SHB: variants seen among roughly 807,000 people sequenced by gnomAD.
SHB encodes the protein SH2 domain-containing adapter protein B.
In SHB, 20 loss-of-function variants were observed where a neutral mutation model predicts 52.3. That is an observed-to-expected ratio of 0.38 (90% CI 0.27 to 0.56). The LOEUF (loss-of-function observed/expected upper bound fraction) is 0.56, where lower values mean the gene tolerates loss of function less well. SHB is among the 20% of genes least tolerant of loss of function. The probability of loss-of-function intolerance (pLI) is 0.71; values close to 1 mark genes in which losing one functional copy is unlikely to be tolerated. For missense variants in SHB, 825 were observed against 723.3 expected, an observed-to-expected ratio of 1.14 and a Z score of -1.61; for synonymous variants, 397 against 316.5, an observed-to-expected ratio of 1.25 and a Z score of -2.70.
chr9:37,969,266 C>G (rs955003357), intron 3 of SHB, among the ~76,000 whole-genome samples: 1 of 152,128 alleles, frequency 6.6e-6, no homozygotes, highest in African/African-American at 2.4e-5. Context: ...GGAGTTGGAG[C>G]TGACAGGTTC....
At chr9:38,066,959 C>T (rs984174941) in intron 1 of SHB, among the ~76,000 whole-genome samples, 2 of 152,092 alleles carry the variant, frequency 1.3e-5, no homozygotes, top group Non-Finnish European at 2.9e-5. Context: ...GCTCTCCCAC[C>T]GGGCCTCAGA....
At chr9:37,960,916 C>A (rs936429535) in intron 3 of SHB, among the ~76,000 whole-genome samples, 4 of 152,236 alleles carry the variant, frequency 2.6e-5, no homozygotes, top group Non-Finnish European at 5.9e-5. Context: ...TGCAGGCCTG[C>A]AAGGTCAGGC....
chr9:37,961,639 AG>A (rs1039460133), intron 3 of SHB, among the ~76,000 whole-genome samples: 2 of 152,184 alleles, frequency 1.3e-5, no homozygotes, highest in African/African-American at 4.8e-5. Context: ...TTTTGTCTTT[AG>A]GGCTTTGTTT....
At chr9:37,962,149 A>G (rs1269435076) in intron 3 of SHB, among the ~76,000 whole-genome samples, 1 of 152,234 alleles carries the variant, frequency 6.6e-6, no homozygotes, top group Non-Finnish European at 1.5e-5. Flanking sequence ...AAGGTAACAG[A>G]TGATGTACCA....
intron 1 of SHB, among the ~76,000 whole-genome samples, chr9:38,055,409 C>G (rs1011036438): frequency 1.3e-5 from 2 of 152,128 alleles, no homozygotes; most frequent in African/African-American, 2.4e-5. Context: ...ATTGAAGACA[C>G]GGGACACCTG....
rs1186151673 is a variant in SHB, at chr9:38,050,439, A to T, written c.717+17490T>A. Among the ~76,000 whole-genome samples the T allele has an allele frequency of 3.3e-5, 5 of 152,354 alleles. No homozygotes were observed. The East Asian group carries it at 9.6e-4, about 29-fold the overall frequency. On this transcript the variant is annotated intron_variant, in intron 1 of 5. Coordinates refer to ENST00000377707, the MANE Select transcript of SHB (RefSeq NM_003028.3). Reference sequence around the variant, plus strand: ...TCAAACCTACCTTTGAAATTCAAATATATGGATATTTTAAGGCAGCCAGGC... The same window carrying T: ...TCAAACCTACCTTTGAAATTCAAATTTATGGATATTTTAAGGCAGCCAGGC...
rs1021414768 is a variant in SHB, at chr9:37,918,966, CTT to C, written c.*853_*854del. Among the ~76,000 whole-genome samples the C allele has an allele frequency of 2.0e-5, 3 of 152,286 alleles. No homozygotes were observed. The highest frequency in any genetic ancestry group is 2.9e-5 in the Non-Finnish European group (2 of 68,020). On this transcript the variant is annotated 3_prime_UTR_variant, in exon 6 of 6. Transcript: ENST00000377707. ...AGCCCAGTTGTCAGAGCAGACGGCT[CTT>C]GTGTCCAGAGCTGCTGAGGGCTGGA...
rs368163067 is a variant in SHB at position 38,068,457 on chromosome 9, G to A, written c.189C>T (p.Phe63=). The A allele has an allele frequency of 9.9e-4, 1,505 of 1,527,548 alleles. 9 individuals carry two copies. In the African/African-American group the frequency reaches 0.013, roughly 14 times the overall value. The allele number at this position is 1,527,548 out of a possible 1,614,324, so 94.6% of individuals were successfully genotyped here. A position where few individuals can be genotyped will look rare whatever the true frequency, so the allele number is the denominator to read the frequency against. Residue 63 remains phenylalanine, a synonymous_variant, in exon 1 of 6, where the codon TTC becomes TTT. Coordinates refer to ENST00000377707, the MANE Select transcript of SHB (RefSeq NM_003028.3). ...ASCGPATASC[F]SASSGSLPDD... ...CGGGCAGCGAGCCCGAAGAGGCTGA[G>A]AAGCAGGAGGCGGTGGCCGGACCGC...
intron 3 of SHB, among the ~76,000 whole-genome samples, chr9:37,963,400 C>A (rs1302136227): frequency 6.6e-6 from 1 of 152,198 alleles, no homozygotes; most frequent in African/African-American, 2.4e-5. Flanking sequence ...GAGCTCTCAA[C>A]CGCCACAGGC....
At chr9:37,955,621 G>T (rs753493471) in intron 4 of SHB, among the ~76,000 whole-genome samples, 11 of 151,742 alleles carry the variant, frequency 7.2e-5, no homozygotes, top group Non-Finnish European at 1.3e-4. Flanking sequence ...GGAACTACAG[G>T]TGCATGCCAT....
At chr9:38,023,113 A>T (rs1277172478) in intron 1 of SHB, among the ~76,000 whole-genome samples, 1 of 152,248 alleles carries the variant, frequency 6.6e-6, no homozygotes, top group Non-Finnish European at 1.5e-5. Flanking sequence ...CCAAAGTCCC[A>T]AGGCTGACCG....
intron 1 of SHB, among the ~76,000 whole-genome samples, chr9:38,027,195 G>A (rs191978155): frequency 6.7e-6 from 1 of 150,164 alleles, no homozygotes; most frequent in East Asian, 1.9e-4. Context: ...GAAACCAGGG[G>A]CAGGGCAGGG....
chr9:38,025,266 C>T (rs775568208), intron 1 of SHB, among the ~76,000 whole-genome samples: 4 of 152,144 alleles, frequency 2.6e-5, no homozygotes, highest in Non-Finnish European at 4.4e-5. Flanking sequence ...CTGACTTAGC[C>T]GCCCCTCATT....
At chr9:37,956,205 G>A in intron 3 of SHB, 151 bp from the exon 4 acceptor site, 1 of 725,148 alleles carries the variant, frequency 1.4e-6, no homozygotes, top group Non-Finnish European at 2.3e-6. Flanking sequence ...TGGCACAAAA[G>A]ATTTTGGCTT....
At chr9:37,986,445 G>A (rs567666167) in intron 2 of SHB, among the ~76,000 whole-genome samples, 36 of 152,268 alleles carry the variant, frequency 2.4e-4, no homozygotes, top group Admixed American at 3.9e-4. Flanking sequence ...CAGGACTAGG[G>A]GTGCAGCCAC....
At chr9:38,063,841 T>A (rs2118199336) in intron 1 of SHB, among the ~76,000 whole-genome samples, 2 of 151,876 alleles carry the variant, frequency 1.3e-5, no homozygotes, top group South Asian at 4.2e-4. Flanking sequence ...TTATTTATTC[T>A]GTAACTATGG....
intron 3 of SHB, among the ~76,000 whole-genome samples, chr9:37,959,414 G>A (rs566470120): frequency 1.3e-5 from 2 of 152,246 alleles, no homozygotes; most frequent in East Asian, 1.9e-4. Flanking sequence ...GAAGGGCTGC[G>A]GCTTGCCCTG....
chr9:37,976,139 G>A (rs541746144), intron 2 of SHB, among the ~76,000 whole-genome samples: 13 of 152,232 alleles, frequency 8.5e-5, no homozygotes, highest in East Asian at 7.7e-4. Flanking sequence ...GGGTTTACAC[G>A]ATTCTTGTGT....
chr9:37,930,483 T>C (rs1832300695), intron 5 of SHB, among the ~76,000 whole-genome samples: 1 of 152,064 alleles, frequency 6.6e-6, no homozygotes, highest in Non-Finnish European at 1.5e-5. Context: ...TGCTCCTCAT[T>C]TCTCATCCCG....
Sources: allele counts gnomAD v4.1 joint callset (sites outside exome capture counted in the v4.1 genomes callset), GRCh38; gene constraint gnomAD v4.1.1; transcripts MANE v1.5; gene names NCBI Gene and HGNC (gene_info 2026-07-23, HGNC 2026-07-21).